CASP6: variants seen among roughly 807,000 people sequenced by gnomAD.
CASP6 encodes caspase 6.
Under a neutral mutation model 31.8 loss-of-function variants are expected in CASP6, and 20 were observed. That is an observed-to-expected ratio of 0.63 (90% CI 0.44 to 0.91). The LOEUF is 0.91. CASP6 is among the 40% of genes least tolerant of loss of function. The pLI is 0.00. For synonymous variants in CASP6, 130 were observed against 127.8 expected (o/e 1.02, Z -0.12); for missense variants, 328 against 361.1 (o/e 0.91, Z 0.74).
intron 1 of CASP6, 88 bp from the exon 2 acceptor site, chr4:109,698,430 A>T: frequency 1.8e-6 from 2 of 1,107,132 alleles, no homozygotes; most frequent in African/African-American, 1.6e-5. Flanking sequence ...CTGACTCCCA[A>T]ACTCTTAAGA....
At chr4:109,701,299 T>C (rs1730415072) in intron 1 of CASP6, among the ~76,000 whole-genome samples, 1 of 152,178 alleles carries the variant, frequency 6.6e-6, no homozygotes, top group African/African-American at 2.4e-5. Flanking sequence ...AAGTAAGAAA[T>C]AGCTTTATTG....
the CASP6 span, among the ~76,000 whole-genome samples, chr4:109,670,649 G>C: frequency 4.0e-5 from 6 of 151,716 alleles, no homozygotes; most frequent in Non-Finnish European, 8.8e-5. Flanking sequence ...CCGGAAGGCG[G>C]AAGCTGCAGT....
At chr4:109,666,895 A>T in the CASP6 span, among the ~76,000 whole-genome samples, 1 of 152,260 alleles carries the variant, frequency 6.6e-6, no homozygotes, top group South Asian at 2.1e-4. Context: ...GGATTACATG[A>T]ATTCATATTC....
Position 109,697,681 on chromosome 4 carries a change from C to T in CASP6, c.171G>A (p.Trp57Ter). ...CCCGCCTTTCTGGCAGTGTTAAGTG[C>T]CAAAAGAACCTCTCATGATTGAAGA... ...ALIFNHERFFWHLTLPERRGT... is the reference protein window; with the variant it reads ...ALIFNHERFF Residue 57 changes from tryptophan (W) to a stop codon, truncating the protein, a stop_gained, in exon 3 of 7, where the codon TGG becomes TGA. Coordinates refer to ENST00000265164, the MANE Select transcript of CASP6 (RefSeq NM_001226.4). LOFTEE classifies it high-confidence loss of function. 2 of 1,613,972 alleles carry T rather than the reference C, an allele frequency of 1.2e-6. No homozygotes were observed. The highest frequency in any genetic ancestry group is 1.7e-6 in the Non-Finnish European group (2 of 1,179,936).
downstream of CASP6, chr4:109,685,019 C>T (rs2126153166): frequency 2.4e-6 from 1 of 409,530 alleles, no homozygotes; most frequent in Non-Finnish European, 4.3e-6. Flanking sequence ...TCTTCTTTCC[C>T]ATTATGTGTA....
At chr4:109,684,743 A>G, downstream of CASP6, 1 of 650,298 alleles carries the variant, frequency 1.5e-6, no homozygotes, top group South Asian at 2.0e-5. Context: ...TTACTGAATT[A>G]CTGCCATCTG....
the CASP6 span, chr4:109,682,561 T>C: frequency 1.3e-6 from 2 of 1,586,108 alleles, no homozygotes; most frequent in Non-Finnish European, 1.7e-6. Flanking sequence ...ACTGGCTTGT[T>C]TCCCTTGTGT....
the CASP6 span, chr4:109,674,145 TGGA>T: frequency 3.3e-6 from 4 of 1,196,598 alleles, no homozygotes; most frequent in Non-Finnish European, 5.0e-6. Flanking sequence ...GCTGCCTTGT[TGGA>T]GGAGCTTGCT....
At chr4:109,674,361 G>A in the CASP6 span, among the ~76,000 whole-genome samples, 1 of 152,196 alleles carries the variant, frequency 6.6e-6, no homozygotes, top group Admixed American at 6.5e-5. Flanking sequence ...TCACCTAAAT[G>A]CACTTGATGG....
downstream of CASP6, chr4:109,688,528 A>G (rs1315417441): frequency 6.6e-6 from 1 of 152,256 alleles, no homozygotes; most frequent in Admixed American, 6.5e-5. Flanking sequence ...GTGGTAATTC[A>G]TATGTAGATG....
chr4:109,708,861 A>G, the CASP6 span, among the ~76,000 whole-genome samples: 1 of 152,352 alleles, frequency 6.6e-6, no homozygotes, highest in African/African-American at 2.4e-5. Context: ...TCAGAATTAC[A>G]AATGTATAAT....
At chr4:109,684,609 C>T (rs753270535), downstream of CASP6, 101 of 1,585,018 alleles carry the variant, frequency 6.4e-5, no homozygotes, top group Non-Finnish European at 8.5e-5. Flanking sequence ...TTTGCAAATT[C>T]TATGGTCTTT....
At chr4:109,682,599 C>G in the CASP6 span, 2 of 1,608,986 alleles carry the variant, frequency 1.2e-6, no homozygotes, top group East Asian at 4.5e-5. Flanking sequence ...AAGTAATGAG[C>G]ACACTGCTGA....
chr4:109,691,721 T>C (rs890981426), intron 5 of CASP6, among the ~76,000 whole-genome samples: 1 of 152,178 alleles, frequency 6.6e-6, no homozygotes, highest in African/African-American at 2.4e-5. Context: ...TCTGACTGTA[T>C]TGGAAGACAG....
chr4:109,696,606 AGAAAT>A (rs1408603381), intron 3 of CASP6, 120 bp from the exon 4 acceptor site: 17 of 612,000 alleles, frequency 2.8e-5, no homozygotes, highest in Non-Finnish European at 5.7e-6. Flanking sequence ...TTAGGAGAAA[AGAAAT>A]GAAATATAAC....
chr4:109,667,213 G>A, the CASP6 span, among the ~76,000 whole-genome samples: 523 of 152,106 alleles, frequency 3.4e-3, 2 homozygotes, highest in African/African-American at 0.012. Flanking sequence ...AAATCCATCT[G>A]GACCTGGTGC....
chr4:109,691,013 C>A lies in CASP6; in HGVS notation c.484-4G>T. The A allele has an allele frequency of 6.2e-7, 1 of 1,607,176 alleles. No homozygotes were observed. Among genetic ancestry groups the A allele is most frequent in the Non-Finnish European group, 8.5e-7 (1 of 1,176,856 alleles). On this transcript the variant is annotated splice_region_variant and splice_polypyrimidine_tract_variant and intron_variant, in intron 5 of 6. Coordinates refer to ENST00000265164, the MANE Select transcript of CASP6 (RefSeq NM_001226.4). Reference sequence around the variant, plus strand: ...CGTGCTGGTTTCCCCGACATGCCTACAAGACAAGGAGGAAAAACCCACCTC... The same window carrying A: ...CGTGCTGGTTTCCCCGACATGCCTAAAAGACAAGGAGGAAAAACCCACCTC...
At chr4:109,682,706 T>G in the CASP6 span, 2 of 1,613,864 alleles carry the variant, frequency 1.2e-6, no homozygotes, top group Non-Finnish European at 1.7e-6. Context: ...TGGAGAAAAT[T>G]GACCACCTGA....
chr4:109,687,066 T>G (rs896462475), downstream of CASP6, among the ~76,000 whole-genome samples: 2 of 152,090 alleles, frequency 1.3e-5, no homozygotes, highest in East Asian at 3.8e-4. Context: ...ACTCATCTTT[T>G]AAAAAGATCC....
Sources: gnomAD v4.1 joint callset for allele counts (sites outside exome capture counted in the v4.1 genomes callset) on GRCh38, gnomAD v4.1.1 for gene constraint, MANE v1.5 for transcripts, NCBI Gene and HGNC (gene_info 2026-07-23, HGNC 2026-07-21) for gene names.